The following GPHN variants were observed in gnomAD, a reference collection of about 807,000 sequenced individuals.
GPHN encodes gephyrin.
A neutral mutation model predicts 95.5 loss-of-function variants in GPHN; 17 were observed. The observed-to-expected ratio is 0.18, with a 90% CI of 0.12 to 0.27. GPHN has a LOEUF of 0.27. GPHN is among the 10% of genes least tolerant of loss of function. The pLI, the probability that GPHN is intolerant of heterozygous loss-of-function variation, is 1.00. For missense variants in GPHN, 660 were observed against 978.1 expected, an observed-to-expected ratio of 0.67 and a Z score of 4.34; for synonymous variants, 320 against 322.5, an observed-to-expected ratio of 0.99 and a Z score of 0.08.
intron 2 of GPHN, among the ~76,000 whole-genome samples, chr14:66,689,614 G>C (rs540393811): frequency 1.3e-5 from 2 of 152,234 alleles, no homozygotes; most frequent in Admixed American, 1.3e-4. Flanking sequence ...GGAAGTTTTA[G>C]ACATATTGAT....
the GPHN span, among the ~76,000 whole-genome samples, chr14:67,420,055 C>A: frequency 6.6e-6 from 1 of 152,190 alleles, no homozygotes; most frequent in African/African-American, 2.4e-5. Flanking sequence ...CTCTGGGAAC[C>A]AGGACCCTGG....
At chr14:66,688,323 T>G (rs2067535335) in intron 2 of GPHN, among the ~76,000 whole-genome samples, 1 of 152,122 alleles carries the variant, frequency 6.6e-6, no homozygotes, top group South Asian at 2.1e-4. Flanking sequence ...AGAAGAGTTG[T>G]CAGGGAGGTA....
chr14:66,606,637 GTC>G (rs1882824761), intron 1 of GPHN, among the ~76,000 whole-genome samples: 1 of 151,906 alleles, frequency 6.6e-6, no homozygotes, highest in Admixed American at 6.6e-5. Flanking sequence ...TATTTGTCTT[GTC>G]TCTCATTTAT....
At chr14:66,928,199 A>C (rs888865297) in intron 8 of GPHN, among the ~76,000 whole-genome samples, 1 of 152,246 alleles carries the variant, frequency 6.6e-6, no homozygotes, top group African/African-American at 2.4e-5. Flanking sequence ...TTATGGCTTC[A>C]ATCTCATTAC....
chr14:66,848,303 C>T lies in GPHN; in HGVS notation c.294+23737C>T, dbSNP rs1489115017. On this transcript the variant is annotated intron_variant, in intron 4 of 22. Transcript: ENST00000478722. ...TTGCATTGTAATCAAAGGTGGTAATCGCCCTACAGAGTTCTTAAGCAGAGG... is the reference window on the plus strand; with the variant it reads ...TTGCATTGTAATCAAAGGTGGTAATTGCCCTACAGAGTTCTTAAGCAGAGG... Among the ~76,000 whole-genome samples the T allele has an allele frequency of 2.6e-5, 4 of 151,950 alleles. No homozygotes were observed. The East Asian group carries it at 5.8e-4, about 22-fold the overall frequency.
chr14:67,399,699 AG>A, the GPHN span, among the ~76,000 whole-genome samples: 1 of 130,614 alleles, frequency 7.7e-6, no homozygotes, highest in African/African-American at 3.4e-5. Context: ...CTCAGGTGGC[AG>A]GAATAAAGAG....
chr14:66,692,003 A>C (rs1349704778), intron 2 of GPHN, among the ~76,000 whole-genome samples: 2 of 152,188 alleles, frequency 1.3e-5, no homozygotes, highest in Non-Finnish European at 2.9e-5. Flanking sequence ...TTTGTCCATA[A>C]AACTCCTGAA....
chr14:67,419,342 G>A, the GPHN span, among the ~76,000 whole-genome samples: 1 of 152,252 alleles, frequency 6.6e-6, no homozygotes, highest in African/African-American at 2.4e-5. Flanking sequence ...CTGCTCTCCA[G>A]GCCTCAGGGG....
intron 3 of GPHN, among the ~76,000 whole-genome samples, chr14:66,801,066 A>C (rs906013469): frequency 6.6e-6 from 1 of 151,358 alleles, no homozygotes; most frequent in Admixed American, 6.6e-5. Context: ...CTCTTTGTTA[A>C]ATTTATCTGA....
chr14:67,566,399 T>C, the GPHN span, among the ~76,000 whole-genome samples: 1 of 152,136 alleles, frequency 6.6e-6, no homozygotes, highest in East Asian at 1.9e-4. Context: ...GAGAGAAGCG[T>C]TGCTCACTTT....
intron 21 of GPHN, among the ~76,000 whole-genome samples, chr14:67,169,902 C>A (rs2082500049): frequency 1.3e-5 from 2 of 152,098 alleles, no homozygotes; most frequent in South Asian, 2.1e-4. Flanking sequence ...CGTGGTGAAA[C>A]CCTGTCTCTA....
At chr14:67,092,642 C>T (rs1442378475) in intron 12 of GPHN, among the ~76,000 whole-genome samples, 1 of 151,732 alleles carries the variant, frequency 6.6e-6, no homozygotes, top group Non-Finnish European at 1.5e-5. Flanking sequence ...AATAAAATGA[C>T]TAAGGAAATA....
the GPHN span, chr14:67,592,739 T>C: frequency 7.2e-7 from 1 of 1,395,266 alleles, no homozygotes; most frequent in Non-Finnish European, 1.0e-6. Context: ...ATAAATCAAA[T>C]AGCAAAGTCT....
intron 1 of GPHN, among the ~76,000 whole-genome samples, chr14:66,543,972 G>A (rs2059443536): frequency 6.6e-6 from 1 of 152,172 alleles, no homozygotes; most frequent in African/African-American, 2.4e-5. Flanking sequence ...ACTCTCCAGT[G>A]GCTCTTCATT....
Position 66,572,651 on chromosome 14 carries a change from CT to C in GPHN, c.64+64070del, listed in dbSNP as rs370471152. On this transcript the variant is annotated intron_variant, in intron 1 of 22. Transcript: ENST00000478722. ...TTACTGAATCTTTGGTTAGTTTTAA[CT>C]TTTTTTTTTGTAGAGTTTAGGGTTT... Among the ~76,000 whole-genome samples the C allele has an allele frequency of 9.5e-3, 1,409 of 148,520 alleles. 24 individuals are homozygous for C. Among genetic ancestry groups the C allele is most frequent in the African/African-American group, 0.032 (1,311 of 40,554 alleles).
intron 17 of GPHN, among the ~76,000 whole-genome samples, chr14:67,123,791 T>G (rs1259881970): frequency 6.6e-6 from 1 of 152,108 alleles, no homozygotes; most frequent in Admixed American, 6.6e-5. Flanking sequence ...TCTTAAAACA[T>G]TATGAGATTT....
chr14:66,775,011 G>T lies in GPHN; in HGVS notation c.144-1453G>T, dbSNP rs371934552. ...GAAATTGTGAGATTAAAACCTATAC[G>T]TTCTTTTTTTTTTCTTTCCAACTTT... On this transcript the variant is annotated intron_variant, in intron 2 of 22. Coordinates refer to ENST00000478722, the MANE Select transcript of GPHN (RefSeq NM_020806.5). Among the ~76,000 whole-genome samples the T allele has an allele frequency of 4.1e-3, 622 of 151,744 alleles. 3 individuals carry two copies. Among genetic ancestry groups the T allele is most frequent in the African/African-American group, 0.014 (582 of 41,436 alleles).
the GPHN span, among the ~76,000 whole-genome samples, chr14:67,327,519 T>C: frequency 6.6e-6 from 1 of 152,116 alleles, no homozygotes. Context: ...CTTTAAGTTC[T>C]AGGGTACATG....
the GPHN span, among the ~76,000 whole-genome samples, chr14:67,190,129 G>A: frequency 2.7e-5 from 4 of 146,670 alleles, no homozygotes; most frequent in African/African-American, 1.0e-4. Context: ...TGGCCAGGCT[G>A]GTCTTTAACT....
Sources: gnomAD v4.1 joint callset for allele counts (sites outside exome capture counted in the v4.1 genomes callset) on GRCh38, gnomAD v4.1.1 for gene constraint, MANE v1.5 for transcripts, NCBI Gene and HGNC (gene_info 2026-07-23, HGNC 2026-07-21) for gene names.